HUWE1: variants seen among roughly 807,000 people sequenced by gnomAD.
The protein encoded by HUWE1 is E3 ubiquitin-protein ligase HUWE1.
HUWE1 carries 18 observed loss-of-function variants against 299.4 expected under a neutral mutation model. The observed-to-expected ratio is 0.06, with a 90% CI of 0.04 to 0.09. The LOEUF (loss-of-function observed/expected upper bound fraction) is 0.09, where lower values mean the gene tolerates loss of function less well. Ranked by LOEUF, HUWE1 falls within the 10% of genes least tolerant of loss-of-function variation. The pLI is 1.00. For synonymous variants in HUWE1, 1,317 were observed against 1,286.1 expected (o/e 1.02, Z -0.51); for missense variants, 1,832 against 3,462.3 (o/e 0.53, Z 11.82).
chrX:53,589,914 C>T (rs1556977311), intron 35 of HUWE1, 98 bp from the exon 36 acceptor site: 1 of 895,075 alleles, frequency 1.1e-6, no homozygotes, highest in Admixed American at 2.6e-5. Context: ...CATATGATTA[C>T]CCTCAACCTT....
At chrX:53,619,838 A>C (rs1285479183) in intron 19 of HUWE1, among the ~76,000 whole-genome samples, 3 of 111,850 alleles carry the variant, frequency 2.7e-5, no homozygotes, top group Non-Finnish European at 5.6e-5. Context: ...GGAAGGCAGA[A>C]GGTCATCACA....
intron 3 of HUWE1, among the ~76,000 whole-genome samples, chrX:53,654,571 G>A (rs2068658788): frequency 9.0e-6 from 1 of 111,629 alleles, no homozygotes; most frequent in African/African-American, 3.3e-5. Flanking sequence ...CATACTGCAT[G>A]ACCATGTATA....
intron 42 of HUWE1, among the ~76,000 whole-genome samples, 169 bp from the exon 43 acceptor site, chrX:53,581,195 T>C (rs1296774049): frequency 3.6e-5 from 4 of 112,339 alleles, no homozygotes; most frequent in Non-Finnish European, 7.5e-5. Flanking sequence ...TATAAAAAAG[T>C]TGCAGCATGT....
intron 51 of HUWE1, among the ~76,000 whole-genome samples, 192 bp from the exon 52 acceptor site, chrX:53,564,013 A>G (rs925947194): frequency 1.8e-5 from 2 of 112,105 alleles, no homozygotes; most frequent in Non-Finnish European, 3.8e-5. Flanking sequence ...CAACCAGACT[A>G]TCCTTCAAAT....
chrX:53,681,913 T>G (rs1027823906), intron 2 of HUWE1, among the ~76,000 whole-genome samples: 1 of 111,663 alleles, frequency 9.0e-6, no homozygotes, highest in Admixed American at 9.5e-5. Context: ...CATTCCAGGA[T>G]AGTGATTACG....
chrX:53,626,216 C>CGTGTGTGTGTGT (rs58080331), intron 17 of HUWE1, among the ~76,000 whole-genome samples: 1 of 94,903 alleles, frequency 1.1e-5, no homozygotes, highest in African/African-American at 3.9e-5. Flanking sequence ...CATACATACA[C>CGTGTGTGTGTGT]GTGTGTGTGT....
At chrX:53,666,086 G>C (rs2069239432) in intron 3 of HUWE1, among the ~76,000 whole-genome samples, 1 of 112,433 alleles carries the variant, frequency 8.9e-6, no homozygotes, top group Admixed American at 9.4e-5. Context: ...ATGAGTTCAG[G>C]AAAGTATTTT....
In HUWE1 at chrX:53,562,144, C is replaced by T. The variant is rs1175897614; in HGVS notation, c.7305G>A (p.Glu2435=). 4.2e-6 allele frequency: 5 copies of T among 1,187,093 alleles called. No homozygotes were observed. The African/African-American group carries it at 8.8e-5, about 21-fold the overall frequency. ...CTTCCTCATCTTCCTCCTCCTCCTC[C>T]TCTTCATCCTGACTATCATCCTCAT... ...NEDEDDSQDE[E]EEEEEDEEDD... is the part of the protein sequence containing the mutation. Residue 2435 remains glutamate, a synonymous_variant, in exon 54 of 84, where the codon GAG becomes GAA. Coordinates refer to ENST00000262854, the MANE Select transcript of HUWE1 (RefSeq NM_031407.7).
chrX:53,568,604 AG>A, intron 49 of HUWE1, 87 bp downstream of exon 49: 2 of 926,012 alleles, frequency 2.2e-6, no homozygotes, highest in Non-Finnish European at 3.0e-6. Flanking sequence ...TTGTACCCAA[AG>A]TTTTCCCACT....
At chrX:53,586,979 G>C in intron 37 of HUWE1, 70 bp from the exon 38 acceptor site, 1 of 1,098,467 alleles carries the variant, frequency 9.1e-7, no homozygotes, top group Non-Finnish European at 1.3e-6. Flanking sequence ...AGATTAGCAT[G>C]GGATAGGGGA....
intron 3 of HUWE1, among the ~76,000 whole-genome samples, chrX:53,656,855 G>A (rs1287545799): frequency 9.1e-6 from 1 of 110,155 alleles, no homozygotes; most frequent in Admixed American, 9.7e-5. Flanking sequence ...AGTATCAATA[G>A]AGCAGAATAG....
At chrX:53,581,649 AT>A (rs1471375419) in intron 42 of HUWE1, among the ~76,000 whole-genome samples, 1 of 111,301 alleles carries the variant, frequency 9.0e-6, no homozygotes, top group East Asian at 2.8e-4. Flanking sequence ...AATGAAAAAC[AT>A]CTTTTGGTAT....
intron 34 of HUWE1, among the ~76,000 whole-genome samples, chrX:53,590,703 G>A (rs1556977997): frequency 1.8e-5 from 2 of 112,162 alleles, no homozygotes; most frequent in East Asian, 2.8e-4. Context: ...AAAATCACAC[G>A]TAAAACTAAG....
intron 3 of HUWE1, among the ~76,000 whole-genome samples, chrX:53,665,634 C>T (rs1015041275): frequency 3.6e-5 from 4 of 112,342 alleles, no homozygotes; most frequent in Admixed American, 2.8e-4. Flanking sequence ...AAGAACTAGG[C>T]AACCAAACAT....
In HUWE1 at chrX:53,625,141, A is replaced by G; in HGVS notation, c.1591+16T>C. On this transcript the variant is annotated intron_variant, in intron 18 of 83. Transcript: ENST00000262854. ...AGTAAAATATCCTCCAAAAAAAGTT[A>G]TCTGGAATCAAATACCATGTCGTAT... The G allele has an allele frequency of 9.3e-7, 1 of 1,070,127 alleles. No individual in the cohort carries two copies. Among genetic ancestry groups the G allele is most frequent in the Non-Finnish European group, 1.3e-6 (1 of 766,235 alleles). 88.2% of individuals were successfully genotyped at this position (1,070,127 alleles called of 1,213,427 possible).
intron 23 of HUWE1, 120 bp from the exon 24 acceptor site, chrX:53,609,029 T>A (rs2065297422): frequency 1.7e-5 from 9 of 514,531 alleles, no homozygotes; most frequent in Non-Finnish European, 3.2e-5. Flanking sequence ...TATTTGCTTA[T>A]TTTTTTGAGA....
chrX:53,677,400 A>G (rs782568553), intron 3 of HUWE1, among the ~76,000 whole-genome samples: 13 of 110,452 alleles, frequency 1.2e-4, no homozygotes, highest in African/African-American at 4.3e-4. Context: ...TCATCATTTT[A>G]CAGATGAAGG....
chrX:53,679,528 G>A (rs1436308011), intron 3 of HUWE1, among the ~76,000 whole-genome samples: 3 of 111,863 alleles, frequency 2.7e-5, no homozygotes, highest in Non-Finnish European at 5.6e-5. Flanking sequence ...GGTGGCTCAC[G>A]CCTGTAATCC....
chrX:53,566,819 AAC>A (rs2062599832), intron 49 of HUWE1, among the ~76,000 whole-genome samples: 1 of 111,512 alleles, frequency 9.0e-6, no homozygotes, highest in East Asian at 2.8e-4. Flanking sequence ...AAAAATGTTT[AAC>A]CTGACCCTAA....
Sources: gnomAD v4.1 joint callset for allele counts (sites outside exome capture counted in the v4.1 genomes callset) on GRCh38, gnomAD v4.1.1 for gene constraint, MANE v1.5 for transcripts, NCBI Gene and HGNC (gene_info 2026-07-23, HGNC 2026-07-21) for gene names.